NTN1: variants seen among roughly 807,000 people sequenced by gnomAD.
The protein encoded by NTN1 is netrin-1.
A neutral mutation model predicts 54.2 loss-of-function variants in NTN1; 11 were observed. That is an observed-to-expected ratio of 0.20 (90% CI 0.13 to 0.34). NTN1 has a LOEUF of 0.34. Among genes scored for constraint, NTN1 ranks in the 10% least tolerant of loss-of-function variants. The pLI is 1.00. For missense variants in NTN1, 740 were observed against 893.1 expected (o/e 0.83, Z 2.18); for synonymous variants, 371 against 382.0 (o/e 0.97, Z 0.33).
At chr17:9,071,670 G>A (rs1016470197) in intron 2 of NTN1, among the ~76,000 whole-genome samples, 1 of 152,224 alleles carries the variant, frequency 6.6e-6, no homozygotes, top group Admixed American at 6.5e-5. Flanking sequence ...GGGAGACCCT[G>A]CCCGCATGCC....
At chr17:9,217,586 A>G (rs1350142182) in intron 5 of NTN1, among the ~76,000 whole-genome samples, 1 of 152,180 alleles carries the variant, frequency 6.6e-6, no homozygotes, top group Non-Finnish European at 1.5e-5. Flanking sequence ...GCCATTGTCC[A>G]GTGACCTCAG....
intron 2 of NTN1, among the ~76,000 whole-genome samples, chr17:9,161,225 CA>C (rs1241601797): frequency 2.0e-5 from 3 of 152,052 alleles, no homozygotes; most frequent in Non-Finnish European, 4.4e-5. Context: ...ACATTGGAAC[CA>C]AGACCTGGGG....
chr17:9,009,128 A>C, the NTN1 span, among the ~76,000 whole-genome samples: 2 of 152,168 alleles, frequency 1.3e-5, no homozygotes, highest in Non-Finnish European at 2.9e-5. Flanking sequence ...CTGAATGTAC[A>C]CTTCCCCCAA....
At chr17:9,084,425 T>C (rs1232378383) in intron 2 of NTN1, among the ~76,000 whole-genome samples, 1 of 152,156 alleles carries the variant, frequency 6.6e-6, no homozygotes, top group Non-Finnish European at 1.5e-5. Context: ...CTCATTCCAG[T>C]GTAGAAACAG....
At chr17:9,152,442 G>C (rs539840308) in intron 2 of NTN1, among the ~76,000 whole-genome samples, 5 of 152,250 alleles carry the variant, frequency 3.3e-5, no homozygotes, top group Admixed American at 2.6e-4. Flanking sequence ...CCCTCTGATG[G>C]TTCCCCTGGG....
intron 2 of NTN1, among the ~76,000 whole-genome samples, chr17:9,139,116 C>T (rs563601143): frequency 4.7e-4 from 72 of 152,052 alleles, no homozygotes; most frequent in African/African-American, 1.6e-3. Context: ...CATAGTCTTT[C>T]GTGGAGGGGC....
At chr17:9,094,401 C>A (rs1438209371) in intron 2 of NTN1, among the ~76,000 whole-genome samples, 1 of 151,832 alleles carries the variant, frequency 6.6e-6, no homozygotes, top group Non-Finnish European at 1.5e-5. Context: ...TTTGGTGAGT[C>A]AGAGGGTGTG....
At chr17:9,145,469 C>G (rs1014426632) in intron 2 of NTN1, among the ~76,000 whole-genome samples, 6 of 152,204 alleles carry the variant, frequency 3.9e-5, no homozygotes, top group African/African-American at 1.4e-4. Flanking sequence ...CCCCTACCAC[C>G]CCATTTGCAG....
At chr17:9,124,872 T>G (rs2092241420) in intron 2 of NTN1, among the ~76,000 whole-genome samples, 1 of 152,200 alleles carries the variant, frequency 6.6e-6, no homozygotes, top group African/African-American at 2.4e-5. Flanking sequence ...GTGCCTCAGT[T>G]TCCTCATCTG....
chr17:9,115,978 C>T (rs1011064559), intron 2 of NTN1, among the ~76,000 whole-genome samples: 46 of 152,250 alleles, frequency 3.0e-4, no homozygotes, highest in Non-Finnish European at 6.5e-4. Context: ...CAGGGGCAGG[C>T]TGGGTGGCCC....
In NTN1 at chr17:9,239,947, G is replaced by C; in HGVS notation, c.1794G>C (p.Lys598Asn). The change falls in exon 7 of 7, where the codon AAG (lysine) becomes AAC (asparagine). Residue 598 changes from lysine to asparagine, a missense_variant. By Grantham distance (94) the Lys-to-Asn change is moderately conservative. Transcript: ENST00000173229. This position sits in a 1 kb window ranked among gnomAD's most constrained non-coding sequence, Gnocchi z 5.2. ...RLRKFQQREK[K>N]GKCKKA is the part of the protein sequence containing the mutation. ...GCAAGTTCCAGCAGCGTGAGAAGAAGGGCAAGTGCAAGAAGGCCTAGCGCC... is the reference window on the plus strand; with the variant it reads ...GCAAGTTCCAGCAGCGTGAGAAGAACGGCAAGTGCAAGAAGGCCTAGCGCC... 2 of 1,386,838 alleles carry C rather than the reference G, an allele frequency of 1.4e-6. No individual in the cohort carries two copies. Among genetic ancestry groups the C allele is most frequent in the Non-Finnish European group, 1.9e-6 (2 of 1,040,998 alleles). 85.9% of individuals were successfully genotyped at this position (1,386,838 alleles called of 1,614,324 possible).
intron 2 of NTN1, among the ~76,000 whole-genome samples, chr17:9,097,350 C>T (rs925839278): frequency 2.0e-5 from 3 of 152,158 alleles, no homozygotes; most frequent in Admixed American, 6.6e-5. Context: ...ATATTCTGGG[C>T]GCGGTGGCTC....
chr17:9,169,790 G>A (rs1209936499), intron 3 of NTN1, among the ~76,000 whole-genome samples: 1 of 152,200 alleles, frequency 6.6e-6, no homozygotes, highest in Non-Finnish European at 1.5e-5. Context: ...GCTTGAGCCT[G>A]GGAGGCAGAG....
chr17:9,088,763 T>C (rs2092098427), intron 2 of NTN1, among the ~76,000 whole-genome samples: 1 of 152,192 alleles, frequency 6.6e-6, no homozygotes, highest in African/African-American at 2.4e-5. Flanking sequence ...CCGAGCTGGC[T>C]GGAAGCATGC....
chr17:9,121,793 A>G (rs1180831151), intron 2 of NTN1, among the ~76,000 whole-genome samples: 3 of 152,096 alleles, frequency 2.0e-5, no homozygotes, highest in African/African-American at 7.2e-5. Flanking sequence ...CCTCCCACTT[A>G]CAAAAAAGAG....
intron 2 of NTN1, among the ~76,000 whole-genome samples, chr17:9,056,905 G>A (rs1202181013): frequency 6.6e-6 from 1 of 152,186 alleles, no homozygotes; most frequent in East Asian, 1.9e-4. Context: ...GGAGAGATGA[G>A]ATAGTAAAGA....
intron 2 of NTN1, among the ~76,000 whole-genome samples, chr17:9,029,566 CAA>C (rs1284159563): frequency 6.6e-6 from 1 of 152,230 alleles, no homozygotes; most frequent in Non-Finnish European, 1.5e-5. Flanking sequence ...ACGTTCACCT[CAA>C]AGATATCTGC....
intron 2 of NTN1, among the ~76,000 whole-genome samples, chr17:9,095,785 A>AT (rs951195416): frequency 1.3e-4 from 20 of 150,060 alleles, no homozygotes; most frequent in African/African-American, 4.9e-4. Context: ...GAGAATCTTT[A>AT]TAATTTTTTT....
intron 2 of NTN1, among the ~76,000 whole-genome samples, chr17:9,137,973 C>T (rs530375493): frequency 1.1e-4 from 16 of 152,262 alleles, no homozygotes; most frequent in African/African-American, 3.6e-4. Flanking sequence ...ATCAAAATCC[C>T]GCTGGTCCAG....
Sources: allele counts gnomAD v4.1 joint callset (sites outside exome capture counted in the v4.1 genomes callset), GRCh38; gene constraint gnomAD v4.1.1; non-coding constraint Gnocchi (gnomAD v3.1); transcripts MANE v1.5; gene names NCBI Gene and HGNC (gene_info 2026-07-23, HGNC 2026-07-21).